Variants in SLC25A26 observed in about 807,000 individuals in gnomAD.
SLC25A26 encodes the protein mitochondrial S-adenosylmethionine carrier protein.
SLC25A26 carries 36 observed loss-of-function variants against 37.8 expected under a neutral mutation model. That is an observed-to-expected ratio of 0.95 (90% CI 0.73 to 1.26). SLC25A26 has a LOEUF of 1.26. SLC25A26 is among the 50% of genes most tolerant of loss of function. The pLI, the probability that SLC25A26 is intolerant of heterozygous loss-of-function variation, is 0.00. For missense variants in SLC25A26, 390 were observed against 331.1 expected, an observed-to-expected ratio of 1.18 and a Z score of -1.38; for synonymous variants, 129 against 122.5, an observed-to-expected ratio of 1.05 and a Z score of -0.35.
intron 5 of SLC25A26, among the ~76,000 whole-genome samples, chr3:66,345,730 T>C (rs2076306577): frequency 6.6e-6 from 1 of 152,144 alleles, no homozygotes; most frequent in Non-Finnish European, 1.5e-5. Flanking sequence ...TAACACTGCC[T>C]GCTAAGGAGT....
chr3:66,139,784 TA>T (rs1367187464), intron 1 of SLC25A26, among the ~76,000 whole-genome samples: 3 of 152,168 alleles, frequency 2.0e-5, no homozygotes, highest in Non-Finnish European at 4.4e-5. Flanking sequence ...TCTTTCACAC[TA>T]AGCGCTAAAG....
At chr3:66,337,541 GA>G (rs570092486) in intron 5 of SLC25A26, among the ~76,000 whole-genome samples, 3 of 151,886 alleles carry the variant, frequency 2.0e-5, no homozygotes, top group Admixed American at 1.3e-4. Flanking sequence ...TGTTTAGGGG[GA>G]AAAAATCAAA....
At chr3:66,303,152 A>G (rs531017939) in intron 5 of SLC25A26, among the ~76,000 whole-genome samples, 1 of 152,268 alleles carries the variant, frequency 6.6e-6, no homozygotes, top group South Asian at 2.1e-4. Flanking sequence ...CATCTTTAAT[A>G]CTGCTTTTAG....
intron 7 of SLC25A26, among the ~76,000 whole-genome samples, chr3:66,364,368 C>G (rs1444848863): frequency 6.6e-6 from 1 of 152,168 alleles, no homozygotes; most frequent in African/African-American, 2.4e-5. Flanking sequence ...CATCCAGGCC[C>G]TTTCAGTTAA....
intron 3 of SLC25A26, among the ~76,000 whole-genome samples, chr3:66,251,581 A>AAG (rs2073086352): frequency 6.6e-6 from 1 of 152,146 alleles, no homozygotes; most frequent in African/African-American, 2.4e-5. Flanking sequence ...AAGAAGACGA[A>AAG]AGAGAGAGAG....
rs1575608667 is a variant in SLC25A26 at position 66,360,832 on chromosome 3, A to G, written c.499-2028A>G. On this transcript the variant is annotated intron_variant, in intron 6 of 9. Coordinates refer to ENST00000354883, the MANE Select transcript of SLC25A26 (RefSeq NM_001379210.1). ...CAACATTAACAACTGGTTCTCTCCA[A>G]AATAATCCATGGGTTTGGTGCCTCC... Among the ~76,000 whole-genome samples the G allele has an allele frequency of 2.0e-5, 3 of 152,360 alleles. No homozygotes were observed. The South Asian group carries it at 6.2e-4, about 32-fold the overall frequency.
intron 2 of SLC25A26, among the ~76,000 whole-genome samples, chr3:66,238,487 A>G (rs893728557): frequency 2.0e-5 from 3 of 151,970 alleles, no homozygotes; most frequent in Non-Finnish European, 4.4e-5. Flanking sequence ...GGTTCAAGCA[A>G]TTCTCCTGCT....
chr3:66,225,626 C>T (rs1324438147), intron 1 of SLC25A26, among the ~76,000 whole-genome samples: 1 of 152,218 alleles, frequency 6.6e-6, no homozygotes, highest in Non-Finnish European at 1.5e-5. Flanking sequence ...CAAATTTCTG[C>T]AGCCAGCTTG....
intron 5 of SLC25A26, among the ~76,000 whole-genome samples, chr3:66,270,326 C>G (rs2107348298): frequency 6.6e-6 from 1 of 152,260 alleles, no homozygotes; most frequent in South Asian, 2.1e-4. Flanking sequence ...CAAAATCTTT[C>G]CAAACTTCTA....
At chr3:66,261,115 T>A (rs1367080339) in intron 3 of SLC25A26, among the ~76,000 whole-genome samples, 1 of 152,246 alleles carries the variant, frequency 6.6e-6, no homozygotes, top group Non-Finnish European at 1.5e-5. Flanking sequence ...GACCTTCCTG[T>A]CTCGGCTTCC....
intron 1 of SLC25A26, among the ~76,000 whole-genome samples, chr3:66,223,029 A>G (rs188732001): frequency 1.7e-3 from 265 of 152,360 alleles, no homozygotes; most frequent in Middle Eastern, 3.4e-3. Context: ...TCTTCCATCT[A>G]TTCTGCCCAC....
chr3:66,326,898 T>G (rs1027509241), intron 5 of SLC25A26, among the ~76,000 whole-genome samples: 7 of 152,186 alleles, frequency 4.6e-5, no homozygotes, highest in African/African-American at 1.7e-4. Context: ...CCACACCTAC[T>G]TATAGGCCAT....
chr3:66,377,603 T>C (rs2107889419), intron 9 of SLC25A26, 87 bp from the exon 10 acceptor site: 1 of 966,074 alleles, frequency 1.0e-6, no homozygotes, highest in East Asian at 2.4e-5. Flanking sequence ...ATGAGCATGG[T>C]GTATTGAGCT....
intron 7 of SLC25A26, among the ~76,000 whole-genome samples, chr3:66,363,311 C>T (rs1031982878): frequency 1.3e-5 from 2 of 152,172 alleles, no homozygotes; most frequent in Non-Finnish European, 2.9e-5. Context: ...GCGATTTCTG[C>T]AGAAGGCCAT....
intron 1 of SLC25A26, among the ~76,000 whole-genome samples, chr3:66,210,672 G>T (rs1480242022): frequency 6.6e-6 from 1 of 152,038 alleles, no homozygotes; most frequent in Non-Finnish European, 1.5e-5. Flanking sequence ...GCCAACATGC[G>T]AGGCTAATTT....
intron 9 of SLC25A26, among the ~76,000 whole-genome samples, chr3:66,374,054 G>T (rs566143067): frequency 6.6e-6 from 1 of 150,718 alleles, no homozygotes; most frequent in East Asian, 1.9e-4. Context: ...TGGCATACTT[G>T]ACCATTTTCA....
At chr3:66,214,992 G>A (rs927963448) in intron 1 of SLC25A26, among the ~76,000 whole-genome samples, 1 of 152,082 alleles carries the variant, frequency 6.6e-6, no homozygotes, top group Non-Finnish European at 1.5e-5. Flanking sequence ...GGGCATGGTG[G>A]CAGGTGCCTG....
intron 1 of SLC25A26, among the ~76,000 whole-genome samples, chr3:66,225,303 T>C (rs1459507972): frequency 6.6e-6 from 1 of 152,224 alleles, no homozygotes; most frequent in Non-Finnish European, 1.5e-5. Context: ...AGCTCAGTTC[T>C]TGTCTTCTGC....
chr3:66,339,411 A>G (rs953404947), intron 5 of SLC25A26, among the ~76,000 whole-genome samples: 1 of 152,034 alleles, frequency 6.6e-6, no homozygotes, highest in African/African-American at 2.4e-5. Flanking sequence ...GCTGGATTTT[A>G]TGGTAATTCT....
Sources: gnomAD v4.1 joint callset for allele counts (sites outside exome capture counted in the v4.1 genomes callset) on GRCh38, gnomAD v4.1.1 for gene constraint, MANE v1.5 for transcripts, NCBI Gene and HGNC (gene_info 2026-07-23, HGNC 2026-07-21) for gene names.